LRRC4C: variants seen among roughly 807,000 people sequenced by gnomAD.
The protein encoded by LRRC4C is leucine rich repeat containing 4C, also known as leucine-rich repeat-containing protein 4C.
In LRRC4C, 5 loss-of-function variants were observed where a neutral mutation model predicts 33.6. The observed-to-expected ratio is 0.15, with a 90% confidence interval of 0.08 to 0.31. LRRC4C has a LOEUF of 0.31. Among genes scored for constraint, LRRC4C ranks in the 10% least tolerant of loss-of-function variants. LRRC4C has a pLI of 1.00. For synonymous variants in LRRC4C, 329 were observed against 302.0 expected, an observed-to-expected ratio of 1.09 and a Z score of -0.93; for missense variants, 560 against 796.7, an observed-to-expected ratio of 0.70 and a Z score of 3.58.
intron 3 of LRRC4C, among the ~76,000 whole-genome samples, chr11:40,398,772 T>A (rs1459380718): frequency 4.6e-5 from 7 of 152,004 alleles, no homozygotes; most frequent in Non-Finnish European, 7.4e-5. Flanking sequence ...TAAAAGTTAA[T>A]GAATGCACAG....
intron 4 of LRRC4C, among the ~76,000 whole-genome samples, chr11:40,310,308 G>C (rs1439977955): frequency 6.6e-6 from 1 of 152,062 alleles, no homozygotes; most frequent in East Asian, 1.9e-4. Flanking sequence ...AATTCCTTAG[G>C]AATTCATAGG....
chr11:40,502,747 G>A (rs1377220180), intron 3 of LRRC4C, among the ~76,000 whole-genome samples: 3 of 152,188 alleles, frequency 2.0e-5, no homozygotes, highest in African/African-American at 7.2e-5. Context: ...TCTGCCTTAT[G>A]ACTAATAGTT....
intron 3 of LRRC4C, among the ~76,000 whole-genome samples, chr11:40,519,365 T>C (rs1468825434): frequency 1.3e-5 from 2 of 152,180 alleles, no homozygotes; most frequent in Non-Finnish European, 2.9e-5. Context: ...CCCCCAGATA[T>C]TAAAATGTAA....
Position 40,313,599 on chromosome 11 carries a change from C to CTT in LRRC4C, c.-176+6027_-176+6028dup, listed in dbSNP as rs60735627. Among the ~76,000 whole-genome samples the CTT allele has an allele frequency of 4.9e-3, 353 of 72,526 alleles. 36 individuals carry two copies. Among genetic ancestry groups the CTT allele is most frequent in the African/African-American group, 0.021 (333 of 15,504 alleles). The allele number at this position is 72,526 out of a possible 152,430, so 47.6% of individuals were successfully genotyped here. A position where few individuals can be genotyped will look rare whatever the true frequency, so the allele number is the denominator to read the frequency against. ...AGAAAACATGCTAGGAGGGGAAATTCTTTTTTTTTTTTTTTTTTTTTTTTT... is the reference window on the plus strand; with the variant it reads ...AGAAAACATGCTAGGAGGGGAAATTCTTTTTTTTTTTTTTTTTTTTTTTTTTT... On this transcript the variant is annotated intron_variant, in intron 4 of 6. Coordinates refer to ENST00000528697, the MANE Select transcript of LRRC4C (RefSeq NM_001258419.2).
chr11:40,531,357 T>A (rs1422906702), intron 3 of LRRC4C, among the ~76,000 whole-genome samples: 1 of 152,126 alleles, frequency 6.6e-6, no homozygotes, highest in Non-Finnish European at 1.5e-5. Flanking sequence ...ACCAGGGATT[T>A]GAAATTGTGA....
chr11:41,186,472 A>G (rs1945700176), intron 1 of LRRC4C, among the ~76,000 whole-genome samples: 2 of 152,380 alleles, frequency 1.3e-5, no homozygotes, highest in Middle Eastern at 3.4e-3. Flanking sequence ...AAAGGAATTT[A>G]GAAAAATTAA....
At chr11:40,564,858 G>A (rs896008304) in intron 3 of LRRC4C, among the ~76,000 whole-genome samples, 3 of 152,090 alleles carry the variant, frequency 2.0e-5, no homozygotes, top group Admixed American at 1.3e-4. Context: ...ATAGGAGGAC[G>A]GCTCATACTA....
At chr11:41,002,077 T>C (rs1251269072) in intron 1 of LRRC4C, among the ~76,000 whole-genome samples, 1 of 152,192 alleles carries the variant, frequency 6.6e-6, no homozygotes, top group East Asian at 1.9e-4. Flanking sequence ...AGTGGAGATT[T>C]ACCTTAATTC....
intron 2 of LRRC4C, among the ~76,000 whole-genome samples, chr11:40,778,584 C>A (rs1284469071): frequency 6.6e-6 from 1 of 151,968 alleles, no homozygotes; most frequent in Admixed American, 6.6e-5. Flanking sequence ...TGAGCTAGGG[C>A]AAGCAAGAGA....
At chr11:41,307,759 G>A (rs1161745789) in intron 1 of LRRC4C, among the ~76,000 whole-genome samples, 1 of 152,176 alleles carries the variant, frequency 6.6e-6, no homozygotes, top group Non-Finnish European at 1.5e-5. Context: ...AGATTCTTCA[G>A]AATGGAAATG....
At chr11:41,247,687 C>T (rs1277499568) in intron 1 of LRRC4C, among the ~76,000 whole-genome samples, 1 of 152,164 alleles carries the variant, frequency 6.6e-6, no homozygotes, top group Non-Finnish European at 1.5e-5. Flanking sequence ...GAACATTTGT[C>T]TGCATTTCAG....
At chr11:40,918,708 A>G (rs1003343036) in intron 2 of LRRC4C, among the ~76,000 whole-genome samples, 1 of 152,162 alleles carries the variant, frequency 6.6e-6, no homozygotes, top group African/African-American at 2.4e-5. Context: ...AACTGAGTTC[A>G]GAGTAAGAAG....
intron 3 of LRRC4C, among the ~76,000 whole-genome samples, chr11:40,485,583 C>A (rs1274546739): frequency 6.6e-6 from 1 of 151,848 alleles, no homozygotes; most frequent in South Asian, 2.1e-4. Context: ...CAAAGAATCA[C>A]CCCACAAAAC....
intron 1 of LRRC4C, among the ~76,000 whole-genome samples, chr11:40,963,320 C>T (rs1166666925): frequency 6.6e-6 from 1 of 151,728 alleles, no homozygotes; most frequent in Non-Finnish European, 1.5e-5. Context: ...CTGTGAAGTT[C>T]CAGACTGAGT....
chr11:40,287,975 C>A (rs933123297), intron 4 of LRRC4C, among the ~76,000 whole-genome samples: 20 of 152,112 alleles, frequency 1.3e-4, no homozygotes, highest in African/African-American at 4.8e-4. Flanking sequence ...CAACAGAGTC[C>A]ATATCTGTTT....
chr11:41,206,095 A>G (rs910131282), intron 1 of LRRC4C, among the ~76,000 whole-genome samples: 1 of 152,206 alleles, frequency 6.6e-6, no homozygotes, highest in Admixed American at 6.5e-5. Context: ...TGACAATTTC[A>G]TAAAAATGCT....
intron 3 of LRRC4C, among the ~76,000 whole-genome samples, chr11:40,534,419 T>C (rs915731513): frequency 6.6e-6 from 1 of 152,134 alleles, no homozygotes; most frequent in African/African-American, 2.4e-5. Context: ...AATTACTCAT[T>C]TAAGTGAAAG....
At chr11:41,198,978 C>G (rs745873694) in intron 1 of LRRC4C, among the ~76,000 whole-genome samples, 1 of 151,994 alleles carries the variant, frequency 6.6e-6, no homozygotes, top group African/African-American at 2.4e-5. Context: ...GTACTAGTTG[C>G]CTTCGTTTAT....
chr11:40,615,043 C>CT lies in LRRC4C; in HGVS notation c.-270+33098dup, dbSNP rs1200365123. ...CTGTTGGATAAGTGGTGCCAATAGA[C>CT]TTGCCTTATGCAGGGTTACCACAGA... On this transcript the variant is annotated intron_variant, in intron 3 of 6. Transcript: ENST00000528697. 4.0e-3 allele frequency among the ~76,000 whole-genome samples: 610 copies of CT among 151,530 alleles called. 3 individuals are homozygous for CT. Among genetic ancestry groups the CT allele is most frequent in the African/African-American group, 0.013 (546 of 41,382 alleles).
Sources: allele counts gnomAD v4.1 joint callset (sites outside exome capture counted in the v4.1 genomes callset), GRCh38; gene constraint gnomAD v4.1.1; transcripts MANE v1.5; gene names NCBI Gene and HGNC (gene_info 2026-07-23, HGNC 2026-07-21).